COL6A5: variants seen among roughly 807,000 people sequenced by gnomAD.
The protein encoded by COL6A5 is collagen alpha-5(VI) chain.
A neutral mutation model predicts 65.6 loss-of-function variants in COL6A5; 48 were observed. The observed-to-expected ratio is 0.73, with a 90% CI of 0.58 to 0.93. The LOEUF is 0.93. COL6A5 is among the 40% of genes least tolerant of loss of function. COL6A5 has a pLI of 0.00. For synonymous variants in COL6A5, 291 were observed against 322.8 expected (o/e 0.90, Z 1.05); for missense variants, 914 against 928.3 (o/e 0.98, Z 0.20).
At chr3:130,382,466 G>A (rs1936031826) in intron 4 of COL6A5, among the ~76,000 whole-genome samples, 1 of 137,366 alleles carries the variant, frequency 7.3e-6, no homozygotes, top group African/African-American at 3.0e-5. Context: ...AACACCAATA[G>A]TGTCTGTTTT....
chr3:130,391,557 A>G, exon 7 of COL6A5: 20 of 1,551,712 alleles, frequency 1.3e-5, no homozygotes, highest in Non-Finnish European at 1.7e-5. Context: ...CATGACCATG[A>G]TCAGCTCAAT....
At chr3:130,376,423 G>C (rs753141373) in exon 3 of COL6A5, 46 of 1,613,100 alleles carry the variant, frequency 2.9e-5, no homozygotes, top group Non-Finnish European at 3.6e-5. Flanking sequence ...TTCCATCTGA[G>C]CACCTTCAAA....
rs1357753093 is a variant in COL6A5 at position 130,470,969 on chromosome 3, T to C, written c.2328+2T>C. On this transcript the variant is annotated splice_donor_variant, in intron 7 of 7. Coordinates refer to ENST00000512836, the Ensembl canonical transcript of COL6A5. LOFTEE classifies it high-confidence loss of function. ...CGGTGGCACAGAAAACACTGTATTG[T>C]GAGTTGAGAAATTCCAAGTTTGGGT... is the stretch of plus-strand genomic sequence containing the variant. 1.2e-6 allele frequency: 2 copies of C among 1,606,810 alleles called. No individual in the cohort carries two copies. The highest frequency in any genetic ancestry group is 2.2e-5 in the East Asian group (1 of 44,696).
At chr3:130,357,444 G>A (rs1317588502) in intron 1 of COL6A5, among the ~76,000 whole-genome samples, 2 of 152,140 alleles carry the variant, frequency 1.3e-5, no homozygotes, top group Non-Finnish European at 2.9e-5. Context: ...AAGAAGAAAA[G>A]CTTCCAGATC....
intron 6 of COL6A5, among the ~76,000 whole-genome samples, chr3:130,390,822 T>G (rs560877910): frequency 2.0e-4 from 30 of 152,322 alleles, no homozygotes; most frequent in Admixed American, 6.5e-4. Flanking sequence ...CGCCATTACA[T>G]TGGCATGGAA....
chr3:130,477,518 G>GT lies in COL6A5; in HGVS notation c.2329-6516dup, dbSNP rs568926245. 7.2e-5 allele frequency among the ~76,000 whole-genome samples: 11 copies of GT among 152,056 alleles called. No homozygotes were observed. The South Asian group carries it at 2.1e-3, about 29-fold the overall frequency. On this transcript the variant is annotated intron_variant, in intron 7 of 7. Coordinates refer to ENST00000512836, the Ensembl canonical transcript of COL6A5. ...AATGTAGATATTTTTAAGTGGAACTGTATCTTTTTTCTTTATGTCAAACCC... is the reference window on the plus strand; with the variant it reads ...AATGTAGATATTTTTAAGTGGAACTGTTATCTTTTTTCTTTATGTCAAACCC...
Position 130,351,283 on chromosome 3 carries a change from C to T in COL6A5, c.-29+5302C>T, listed in dbSNP as rs535923873. On this transcript the variant is annotated intron_variant and NMD_transcript_variant, in intron 1 of 41. Coordinates refer to the COL6A5 transcript ENST00000312481. ...GACTTCTTGTCTAAAACACCAAAAG[C>T]AATGGCAACAAAAGCCAAAATAGAC... Among the ~76,000 whole-genome samples the T allele has an allele frequency of 6.6e-4, 100 of 152,318 alleles. 1 individual carries two copies. Among genetic ancestry groups the T allele is most frequent in the Middle Eastern group, 3.4e-3 (1 of 294 alleles).
intron 4 of COL6A5, 31 bp from the exon 5 acceptor site, chr3:130,384,773 C>CT (rs1407676097): frequency 8.1e-6 from 12 of 1,484,476 alleles, no homozygotes. Flanking sequence ...TCTAGGTTCT[C>CT]TAATTTACAG....
intron 1 of COL6A5, among the ~76,000 whole-genome samples, chr3:130,357,604 A>G (rs1934966336): frequency 6.6e-6 from 1 of 152,244 alleles, no homozygotes; most frequent in African/African-American, 2.4e-5. Context: ...GAAATGTAGG[A>G]TAATGAAGTG....
chr3:130,445,107 A>G (rs899495464), intron 4 of COL6A5, among the ~76,000 whole-genome samples: 8 of 152,238 alleles, frequency 5.3e-5, no homozygotes, highest in Non-Finnish European at 1.0e-4. Flanking sequence ...CTTGCCAATC[A>G]TTAACAAATG....
In COL6A5 at chr3:130,403,606, C is replaced by G; in HGVS notation, c.4228-3C>G. ...AAATGTATTGTTCTCTCTTTCTTCC[C>G]AGGGTTCTCAAGGTCTGAAAGGCAG... On this transcript the variant is annotated splice_polypyrimidine_tract_variant and splice_region_variant and intron_variant and NMD_transcript_variant, in intron 12 of 41. Coordinates refer to the COL6A5 transcript ENST00000312481. The G allele has an allele frequency of 6.4e-7, 1 of 1,550,608 alleles. No homozygotes were observed. The highest frequency in any genetic ancestry group is 8.7e-7 in the Non-Finnish European group (1 of 1,146,434).
At chr3:130,368,786 A>T (rs889601999) in intron 1 of COL6A5, among the ~76,000 whole-genome samples, 3 of 152,176 alleles carry the variant, frequency 2.0e-5, no homozygotes, top group Non-Finnish European at 4.4e-5. Context: ...CACCCACAGG[A>T]TGGACAGCCA....
chr3:130,415,636 C>A lies in COL6A5; in HGVS notation c.4762-9C>A. 6.5e-7 allele frequency: 1 copy of A among 1,545,242 alleles called. No individual in the cohort carries two copies. The highest frequency in any genetic ancestry group is 8.8e-7 in the Non-Finnish European group (1 of 1,142,762). Reference sequence around the variant, plus strand: ...TAATTGCATTGTATTTCCTTTGTTACCACTAAAGGGGTCACAGGGAAATCC... The same window carrying A: ...TAATTGCATTGTATTTCCTTTGTTAACACTAAAGGGGTCACAGGGAAATCC... On this transcript the variant is annotated splice_polypyrimidine_tract_variant and intron_variant and NMD_transcript_variant, in intron 22 of 41. Transcript: ENST00000312481.
chr3:130,467,035 C>A (rs898383978), intron 5 of COL6A5, among the ~76,000 whole-genome samples: 10 of 151,724 alleles, frequency 6.6e-5, no homozygotes, highest in African/African-American at 2.4e-4. Flanking sequence ...GAAATAATAC[C>A]AATTCTACAA....
At chr3:130,368,848 A>T (rs1935443927) in intron 1 of COL6A5, among the ~76,000 whole-genome samples, 1 of 152,226 alleles carries the variant, frequency 6.6e-6, no homozygotes, top group Non-Finnish European at 1.5e-5. Context: ...TTGTTTTGAC[A>T]GGAAAACTCA....
At chr3:130,471,151 A>G (rs1352500140) in intron 7 of COL6A5, among the ~76,000 whole-genome samples, 184 bp downstream of exon 39, 1 of 151,928 alleles carries the variant, frequency 6.6e-6, no homozygotes, top group East Asian at 1.9e-4. Flanking sequence ...AATTAATCGC[A>G]GATAGAACAG....
At position 130,376,999 on chromosome 3, in the gene COL6A5, T is replaced by C. The variant is rs2107638544; in HGVS notation, c.667+163T>C. On this transcript the variant is annotated intron_variant and NMD_transcript_variant, in intron 3 of 41. Transcript: ENST00000312481. The stretch of plus-strand genomic sequence containing the variant: ...CTCGCTTCTGCCTTTGCTTGTGCCA[T>C]TTTTTCTGACAAGAGCTCTATCTTA... 1.3e-5 allele frequency among the ~76,000 whole-genome samples: 2 copies of C among 152,274 alleles called. 1 individual carries two copies. Among genetic ancestry groups the C allele is most frequent in the South Asian group, 4.1e-4 (2 of 4,826 alleles).
At chr3:130,450,189 G>A (rs989310078) in intron 4 of COL6A5, among the ~76,000 whole-genome samples, 1 of 152,126 alleles carries the variant, frequency 6.6e-6, no homozygotes, top group Non-Finnish European at 1.5e-5. Context: ...ACATTGGTGT[G>A]AGTTTGAAGT....
intron 5 of COL6A5, among the ~76,000 whole-genome samples, chr3:130,460,168 C>T (rs1709670486): frequency 6.6e-6 from 1 of 152,066 alleles, no homozygotes; most frequent in Admixed American, 6.6e-5. Context: ...GTTCTGCTTT[C>T]CTATCAGTAC....
Sources: allele counts gnomAD v4.1 joint callset (sites outside exome capture counted in the v4.1 genomes callset), GRCh38; gene constraint gnomAD v4.1.1; transcripts MANE v1.5; gene names NCBI Gene and HGNC (gene_info 2026-07-23, HGNC 2026-07-21).